The following TRIM15 variants were observed in gnomAD, a reference collection of about 807,000 sequenced individuals.
The protein encoded by TRIM15 is tripartite motif containing 15, also known as E3 ubiquitin-protein ligase TRIM15.
In TRIM15, 35 loss-of-function variants were observed where a neutral mutation model predicts 35.8. The ratio of observed to expected loss-of-function variants is 0.98; its 90% CI spans 0.75 to 1.30. The LOEUF (loss-of-function observed/expected upper bound fraction) is 1.30, where lower values mean the gene tolerates loss of function less well. TRIM15 is among the 50% of genes most tolerant of loss of function. The pLI is 0.00. For synonymous variants in TRIM15, 252 were observed against 249.8 expected (o/e 1.01, Z -0.08); for missense variants, 590 against 593.5 (o/e 0.99, Z 0.06).
intron 1 of TRIM15, 50 bp from the exon 2 acceptor site, chr6:30,167,126 G>T: frequency 6.8e-7 from 1 of 1,475,508 alleles, no homozygotes; most frequent in Non-Finnish European, 9.5e-7. Context: ...ATAATTGTGA[G>T]TTGAATTATT....
At chr6:30,168,643 C>T (rs114819380) in intron 3 of TRIM15, 113 bp downstream of exon 3, 53 of 1,030,084 alleles carry the variant, frequency 5.1e-5, no homozygotes, top group South Asian at 2.0e-4. Flanking sequence ...GAGAGGTTAA[C>T]GGGGTGCAGA....
chr6:30,164,169 G>A, intron 1 of TRIM15, 104 bp downstream of exon 1: 1 of 1,467,570 alleles, frequency 6.8e-7, no homozygotes, highest in Non-Finnish European at 9.1e-7. Flanking sequence ...TCCACATCAG[G>A]GAACCCTAAG....
At chr6:30,170,343 A>G in intron 4 of TRIM15, 158 bp from the exon 5 acceptor site, 1 of 585,518 alleles carries the variant, frequency 1.7e-6, no homozygotes, top group Admixed American at 3.1e-5. Context: ...TATTTTAGTA[A>G]CTACACATTT....
In TRIM15 at chr6:30,163,998, G is replaced by T. The variant is rs1268131769; in HGVS notation, c.314G>T (p.Cys105Phe). ...GATGCCGAGTTCCTCTGTGTGTTCTGCAGGGAGGGTCCCACGCACCAGGCG... is the reference window on the plus strand; with the variant it reads ...GATGCCGAGTTCCTCTGTGTGTTCTTCAGGGAGGGTCCCACGCACCAGGCG... Reference protein sequence around the residue: ...ENDAEFLCVFCREGPTHQAHT... With the variant: ...ENDAEFLCVFFREGPTHQAHT... Residue 105 changes from cysteine (C) to phenylalanine (F), a missense_variant, in exon 1 of 7, where the codon TGC becomes TTC. Coordinates refer to ENST00000376694, the MANE Select transcript of TRIM15 (RefSeq NM_033229.3). 1.2e-6 allele frequency: 2 copies of T among 1,613,122 alleles called. No individual in the cohort carries two copies. Among genetic ancestry groups the T allele is most frequent in the Non-Finnish European group, 1.7e-6 (2 of 1,180,032 alleles).
chr6:30,166,691 G>T (rs1773623106), intron 1 of TRIM15, among the ~76,000 whole-genome samples: 1 of 152,072 alleles, frequency 6.6e-6, no homozygotes, highest in Non-Finnish European at 1.5e-5. Flanking sequence ...AAATTACTTT[G>T]GGCAGTATGG....
rs561051318 is a variant in TRIM15, at chr6:30,163,572, T to TCTCTC, written c.-113_-112insCTCTC. ...TCTCTCTTTCTCTCTCTCTGTCTCT[T>TCTCTC]AGCCTTGCAGCCGTTTCCCTCTGCG... On this transcript the variant is annotated 5_prime_UTR_variant, in exon 1 of 7. Transcript: ENST00000376694. The TCTCTC allele has an allele frequency of 7.8e-7, 1 of 1,281,442 alleles. No homozygotes were observed. Among genetic ancestry groups the TCTCTC allele is most frequent in the African/African-American group, 1.5e-5 (1 of 68,648 alleles). The allele number at this position is 1,281,442 out of a possible 1,614,324, so 79.4% of individuals were successfully genotyped here. A position where few individuals can be genotyped will look rare whatever the true frequency, so the allele number is the denominator to read the frequency against.
chr6:30,165,881 G>A lies in TRIM15; in HGVS notation c.382-1295G>A, dbSNP rs540727997. ...ATGATGAGCTTCTTTTCATAGGTTT[G>A]TTGGCCACATAAATGTCTTCTTTTG... On this transcript the variant is annotated intron_variant, in intron 1 of 6. Coordinates refer to ENST00000376694, the MANE Select transcript of TRIM15 (RefSeq NM_033229.3). Among the ~76,000 whole-genome samples, 131 of 152,276 alleles carry A rather than the reference G, an allele frequency of 8.6e-4. 2 individuals carry two copies. Among genetic ancestry groups the A allele is most frequent in the African/African-American group, 2.9e-3 (120 of 41,540 alleles).
intron 3 of TRIM15, 74 bp from the exon 4 acceptor site, chr6:30,169,167 A>G (rs115084931): frequency 0.028 from 43,320 of 1,571,222 alleles, 1,122 homozygotes; most frequent in Non-Finnish European, 0.028. Flanking sequence ...ATTTTAAGGG[A>G]AAAGTGATGT....
At chr6:30,168,654 T>C in intron 3 of TRIM15, 124 bp downstream of exon 3, 1 of 930,478 alleles carries the variant, frequency 1.1e-6, no homozygotes, top group Non-Finnish European at 1.7e-6. Flanking sequence ...GGGGTGCAGA[T>C]CCAGAGGGGC....
At chr6:30,164,250 T>C (rs1029222911) in intron 1 of TRIM15, among the ~76,000 whole-genome samples, 185 bp downstream of exon 1, 1 of 152,162 alleles carries the variant, frequency 6.6e-6, no homozygotes, top group Admixed American at 6.5e-5. Flanking sequence ...TGGTAGTTCC[T>C]GGTCTGGGGG....
At chr6:30,171,770 C>G (rs1411765841) in intron 6 of TRIM15, 62 bp from the exon 7 acceptor site, 1 of 1,447,892 alleles carries the variant, frequency 6.9e-7, no homozygotes, top group South Asian at 1.5e-5. Context: ...ACGTGCGTTG[C>G]CTGCTCTAGG....
intron 1 of TRIM15, among the ~76,000 whole-genome samples, chr6:30,164,296 G>A (rs1773421852): frequency 6.6e-6 from 1 of 152,178 alleles, no homozygotes; most frequent in Non-Finnish European, 1.5e-5. Context: ...ACCCCACAGA[G>A]GTGGAGTGCA....
At chr6:30,167,088 C>A in intron 1 of TRIM15, 88 bp from the exon 2 acceptor site, 1 of 1,235,350 alleles carries the variant, frequency 8.1e-7, no homozygotes, top group Non-Finnish European at 1.2e-6. Flanking sequence ...CCTCAGCACT[C>A]AACAGTGTGC....
Position 30,163,672 on chromosome 6 carries a change from G to C in TRIM15, c.-13G>C. On this transcript the variant is annotated 5_prime_UTR_variant, in exon 1 of 7. Coordinates refer to ENST00000376694, the MANE Select transcript of TRIM15 (RefSeq NM_033229.3). ...GAGGAGACCGGAGTGGACGGGCTGG[G>C]GAAGGCACCGTGATGCCCGCAACCC... is the stretch of plus-strand genomic sequence containing the variant. 6.3e-7 allele frequency: 1 copy of C among 1,591,490 alleles called. No individual in the cohort carries two copies. Among genetic ancestry groups the C allele is most frequent in the Non-Finnish European group, 8.6e-7 (1 of 1,167,418 alleles).
chr6:30,172,004 G>T lies in TRIM15; in HGVS notation c.1053G>T (p.Trp351Cys). 1.3e-6 allele frequency: 2 copies of T among 1,578,382 alleles called. No homozygotes were observed. Among genetic ancestry groups the T allele is most frequent in the South Asian group, 2.3e-5 (2 of 86,992 alleles). Residue 351 changes from tryptophan (W) to cysteine (C), a missense_variant, in exon 7 of 7, where the codon TGG (tryptophan) becomes TGT (cysteine). Transcript: ENST00000376694. ...FPGFSSGRHR[W>C]QVDLQLGDGG... The stretch of plus-strand genomic sequence containing the variant: ...GCTTCTCCTCCGGGCGCCACCGCTG[G>T]CAGGTTGACCTGCAGCTGGGCGACG...
intron 1 of TRIM15, among the ~76,000 whole-genome samples, chr6:30,165,768 T>C (rs888982013): frequency 3.9e-5 from 6 of 152,230 alleles, no homozygotes; most frequent in Admixed American, 1.3e-4. Flanking sequence ...GCATCTGTTA[T>C]TTCCTGACTT....
chr6:30,170,266 G>GGGC (rs1773914947), intron 4 of TRIM15: 1 of 504,852 alleles, frequency 2.0e-6, no homozygotes, highest in Non-Finnish European at 3.5e-6. Context: ...TCTCCTAAAG[G>GGGC]GGCTTACCTC....
At chr6:30,168,630 G>A (rs112242861) in intron 3 of TRIM15, 100 bp downstream of exon 3, 4 of 1,161,806 alleles carry the variant, frequency 3.4e-6, no homozygotes, top group Middle Eastern at 2.5e-4. Context: ...AAAGGGAAGT[G>A]GAGAGAGGTT....
chr6:30,163,946 GAGA>G lies in TRIM15; in HGVS notation c.266_268del (p.Lys89del), dbSNP rs1562138485. The G allele has an allele frequency of 1.9e-6, 3 of 1,613,112 alleles. No individual in the cohort carries two copies. The highest frequency in any genetic ancestry group is 1.1e-5 in the South Asian group (1 of 91,086). On this transcript the variant is annotated inframe_deletion, in exon 1 of 7. Coordinates refer to ENST00000376694, the MANE Select transcript of TRIM15 (RefSeq NM_033229.3). Reference sequence around the variant, plus strand: ...AGAAACTTACTGCGAGGAGCACGGCGAGAAGATCTACTTCTTCTGCGAGAACGA... The same window carrying G: ...AGAAACTTACTGCGAGGAGCACGGCGAGATCTACTTCTTCTGCGAGAACGA...
Sources: allele counts gnomAD v4.1 joint callset (sites outside exome capture counted in the v4.1 genomes callset), GRCh38; gene constraint gnomAD v4.1.1; transcripts MANE v1.5; gene names NCBI Gene and HGNC (gene_info 2026-07-23, HGNC 2026-07-21).